PRICKLE2: variants seen among roughly 807,000 people sequenced by gnomAD.
PRICKLE2 encodes the protein prickle planar cell polarity protein 2, also known as prickle-like protein 2.
In PRICKLE2, 21 loss-of-function variants were observed where a neutral mutation model predicts 81.4. That is an observed-to-expected ratio of 0.26 (90% CI 0.18 to 0.37). The LOEUF (loss-of-function observed/expected upper bound fraction) is 0.37. Ranked by LOEUF, PRICKLE2 falls within the 10% of genes least tolerant of loss-of-function variation. The probability of loss-of-function intolerance (pLI) is 1.00; values close to 1 mark genes in which losing one functional copy is unlikely to be tolerated. For synonymous variants in PRICKLE2, 456 were observed against 421.5 expected (o/e 1.08, Z -1.00); for missense variants, 940 against 1,109.0 (o/e 0.85, Z 2.16).
intron 2 of PRICKLE2, among the ~76,000 whole-genome samples, chr3:64,263,573 A>AGG (rs768694892): frequency 3.3e-5 from 5 of 152,190 alleles, no homozygotes; most frequent in African/African-American, 1.2e-4. Context: ...GAATGCAGGA[A>AGG]GGGCTGCAAG....
chr3:64,189,290 CTG>C (rs1470666082), intron 2 of PRICKLE2, among the ~76,000 whole-genome samples: 1 of 152,134 alleles, frequency 6.6e-6, no homozygotes, highest in Admixed American at 6.6e-5. Context: ...GGTGGGGAAA[CTG>C]GAGGTGGGGA....
intron 2 of PRICKLE2, among the ~76,000 whole-genome samples, chr3:64,189,028 G>C (rs1575640057): frequency 6.6e-6 from 1 of 152,192 alleles, no homozygotes; most frequent in African/African-American, 2.4e-5. Context: ...AGAAGTACTT[G>C]CTTTTCTATT....
At chr3:64,123,792 C>T (rs926657133) in intron 7 of PRICKLE2, among the ~76,000 whole-genome samples, 1 of 152,190 alleles carries the variant, frequency 6.6e-6, no homozygotes, top group Non-Finnish European at 1.5e-5. Context: ...TGTGTGTGTT[C>T]TAACTGCTCC....
At chr3:64,240,037 C>T (rs949044124) in intron 2 of PRICKLE2, among the ~76,000 whole-genome samples, 4 of 150,770 alleles carry the variant, frequency 2.7e-5, no homozygotes, top group Non-Finnish European at 5.9e-5. Context: ...ACAGGAGGAT[C>T]ACTTGAGGCT....
chr3:64,137,755 G>A (rs1043160015), intron 7 of PRICKLE2, among the ~76,000 whole-genome samples: 2 of 152,130 alleles, frequency 1.3e-5, no homozygotes, highest in African/African-American at 2.4e-5. Flanking sequence ...GGATTCTCCT[G>A]GGACTTTCAC....
At chr3:64,246,921 G>A (rs1316284475) in intron 2 of PRICKLE2, among the ~76,000 whole-genome samples, 1 of 152,130 alleles carries the variant, frequency 6.6e-6, no homozygotes. Context: ...CCAGAGGAGG[G>A]GCACGATGTA....
chr3:64,199,926 A>G (rs1221687224), intron 1 of PRICKLE2: 1 of 152,232 alleles, frequency 6.6e-6, no homozygotes, highest in Non-Finnish European at 1.5e-5. Flanking sequence ...GTGATAAAAG[A>G]GCCCAGAATT....
intron 2 of PRICKLE2, among the ~76,000 whole-genome samples, chr3:64,176,818 A>G (rs1275492936): frequency 2.0e-5 from 3 of 152,232 alleles, no homozygotes; most frequent in Non-Finnish European, 4.4e-5. Flanking sequence ...TGCCTTGCCC[A>G]CTAAGTTTCA....
intron 2 of PRICKLE2, among the ~76,000 whole-genome samples, chr3:64,264,281 G>T (rs1160903694): frequency 6.6e-6 from 1 of 152,104 alleles, no homozygotes; most frequent in Non-Finnish European, 1.5e-5. Flanking sequence ...AACCCTCATA[G>T]GGTTGTCGTA....
intron 7 of PRICKLE2, chr3:64,146,549 C>T: frequency 2.7e-6 from 1 of 368,740 alleles, no homozygotes; most frequent in South Asian, 2.6e-5. Flanking sequence ...CGAGAACATC[C>T]CGGCTAACAC....
At chr3:64,100,825 A>G (rs1170334461) in intron 7 of PRICKLE2, 1 of 152,174 alleles carries the variant, frequency 6.6e-6, no homozygotes, top group East Asian at 1.9e-4. Context: ...CTCTAAGGAG[A>G]TGTTTAAGAA....
In PRICKLE2 at chr3:64,097,852, C is replaced by A; in HGVS notation, c.*1199G>T. On this transcript the variant is annotated 3_prime_UTR_variant, in exon 8 of 8. Transcript: ENST00000638394. The stretch of plus-strand genomic sequence containing the variant: ...TTTCCCTGACCTGCCTTCAGATTCT[C>A]CTTTAACTTCTACCCTTGACCTGCC... 1 of 152,892 alleles carries A rather than the reference C, an allele frequency of 6.5e-6. No individual in the cohort carries two copies. 9.5% of individuals were successfully genotyped at this position (152,892 alleles called of 1,614,324 possible). A position where few individuals can be genotyped will look rare whatever the true frequency, so the allele number is the denominator to read the frequency against.
chr3:64,246,681 G>T (rs752050734), intron 2 of PRICKLE2, among the ~76,000 whole-genome samples: 2 of 152,172 alleles, frequency 1.3e-5, no homozygotes, highest in Admixed American at 1.3e-4. Context: ...CCAGGTGCTG[G>T]TAAAACTGAT....
intron 7 of PRICKLE2, chr3:64,101,655 G>A (rs2076664660): frequency 6.6e-6 from 1 of 152,154 alleles, no homozygotes; most frequent in Admixed American, 6.5e-5. Flanking sequence ...ACACAAACAG[G>A]GAAAAGAGAG....
At chr3:64,108,566 C>T (rs1384429176) in intron 7 of PRICKLE2, among the ~76,000 whole-genome samples, 1 of 152,104 alleles carries the variant, frequency 6.6e-6, no homozygotes, top group Non-Finnish European at 1.5e-5. Context: ...AATATGAATG[C>T]ACTCGAAAGT....
At chr3:64,126,583 A>C (rs909992020) in intron 7 of PRICKLE2, among the ~76,000 whole-genome samples, 2 of 151,266 alleles carry the variant, frequency 1.3e-5, no homozygotes, top group Admixed American at 6.6e-5. Flanking sequence ...GTTTCTTTTT[A>C]TTTTTCTTTT....
chr3:64,263,190 AC>A (rs2079642347), intron 2 of PRICKLE2, among the ~76,000 whole-genome samples: 1 of 152,240 alleles, frequency 6.6e-6, no homozygotes, highest in Non-Finnish European at 1.5e-5. Flanking sequence ...CAGTAAGAGA[AC>A]CACTGCTAGA....
intron 7 of PRICKLE2, among the ~76,000 whole-genome samples, chr3:64,143,315 T>C (rs1208634889): frequency 6.6e-6 from 1 of 152,178 alleles, no homozygotes; most frequent in Non-Finnish European, 1.5e-5. Flanking sequence ...ACAGTGCTGA[T>C]CTCAGGAGTT....
chr3:64,260,545 C>A (rs934110852), intron 2 of PRICKLE2, among the ~76,000 whole-genome samples: 6 of 152,208 alleles, frequency 3.9e-5, no homozygotes, highest in Non-Finnish European at 8.8e-5. Context: ...AACCTCTGTG[C>A]TATTCCTGTC....
Sources: gnomAD v4.1 joint callset for allele counts (sites outside exome capture counted in the v4.1 genomes callset) on GRCh38, gnomAD v4.1.1 for gene constraint, MANE v1.5 for transcripts, NCBI Gene and HGNC (gene_info 2026-07-23, HGNC 2026-07-21) for gene names.